ATP2C1: variants seen among roughly 807,000 people sequenced by gnomAD.
The protein encoded by ATP2C1 is calcium-transporting ATPase type 2C member 1.
In ATP2C1, 31 loss-of-function variants were observed where a neutral mutation model predicts 120.5. That is an observed-to-expected ratio of 0.26 (90% CI 0.19 to 0.35). The LOEUF is 0.35. Ranked by LOEUF, ATP2C1 falls within the 10% of genes least tolerant of loss-of-function variation. The probability of loss-of-function intolerance (pLI) is 1.00; values close to 1 mark genes in which losing one functional copy is unlikely to be tolerated. For missense variants in ATP2C1, 731 were observed against 1,107.5 expected, an observed-to-expected ratio of 0.66 and a Z score of 4.83; for synonymous variants, 351 against 358.7, an observed-to-expected ratio of 0.98 and a Z score of 0.24.
intron 2 of ATP2C1, among the ~76,000 whole-genome samples, chr3:130,905,169 G>T (rs1055618985): frequency 2.0e-5 from 3 of 151,988 alleles, no homozygotes; most frequent in Non-Finnish European, 2.9e-5. Flanking sequence ...TGCCAGGTGT[G>T]CTCCATGCTA....
At chr3:130,904,551 A>G (rs2058037291) in intron 2 of ATP2C1, among the ~76,000 whole-genome samples, 1 of 152,012 alleles carries the variant, frequency 6.6e-6, no homozygotes, top group Admixed American at 6.6e-5. Flanking sequence ...TTTCCTTTGT[A>G]ATAATAAATG....
In ATP2C1 at chr3:130,870,052, A is replaced by C. The variant is rs370478698; in HGVS notation, c.108+19124A>C. On this transcript the variant is annotated intron_variant, in intron 1 of 26. Transcript: ENST00000504381. ...TCATTCTGAAAATTCTAGGTCCCTA[A>C]AGAATGATGCTAAATCTACTTTGCT... 2.0e-5 allele frequency among the ~76,000 whole-genome samples: 3 copies of C among 152,230 alleles called. No individual in the cohort carries two copies. In the South Asian group the frequency reaches 6.2e-4, roughly 31 times the overall value.
chr3:130,918,479 A>C, intron 2 of ATP2C1: 1 of 807,816 alleles, frequency 1.2e-6, no homozygotes, highest in Non-Finnish European at 2.2e-6. Flanking sequence ...GAGCAAATTT[A>C]GAAGTCTTTG....
chr3:130,994,426 T>C lies in ATP2C1; in HGVS notation c.2057+328T>C, dbSNP rs2062504233. Among the ~76,000 whole-genome samples the C allele has an allele frequency of 2.6e-5, 4 of 152,286 alleles. No homozygotes were observed. In the South Asian group the frequency reaches 8.3e-4, roughly 32 times the overall value. Reference sequence around the variant, plus strand: ...AGTTAGAAATATGCATATGTATGGCTCTTTTTTTGGCTTTATAATAAATAT... The same window carrying C: ...AGTTAGAAATATGCATATGTATGGCCCTTTTTTTGGCTTTATAATAAATAT... On this transcript the variant is annotated intron_variant, in intron 22 of 27. Coordinates refer to ENST00000510168, the MANE Select transcript of ATP2C1 (RefSeq NM_001378687.1).
At chr3:130,960,752 A>G (rs1361368201) in intron 12 of ATP2C1, among the ~76,000 whole-genome samples, 1 of 152,184 alleles carries the variant, frequency 6.6e-6, no homozygotes. Context: ...AAATCTGTAA[A>G]TTGGGCCTAG....
At chr3:131,003,682 T>G (rs2062993754), downstream of ATP2C1, among the ~76,000 whole-genome samples, 1 of 152,160 alleles carries the variant, frequency 6.6e-6, no homozygotes, top group Non-Finnish European at 1.5e-5. Context: ...GATACAGGCT[T>G]TATTTATATA....
intron 18 of ATP2C1, 111 bp downstream of exon 18, chr3:130,975,599 A>G (rs1465294152): frequency 3.9e-6 from 5 of 1,275,194 alleles, no homozygotes; most frequent in Non-Finnish European, 5.6e-6. Context: ...CAGGATTTGT[A>G]GAACCCTTGC....
intron 1 of ATP2C1, among the ~76,000 whole-genome samples, chr3:130,874,273 T>C (rs1428719769): frequency 6.6e-6 from 1 of 152,184 alleles, no homozygotes; most frequent in African/African-American, 2.4e-5. Context: ...TAAGGAAAAC[T>C]TGTCAATGGA....
At chr3:130,937,207 G>C (rs2059711575) in intron 5 of ATP2C1, among the ~76,000 whole-genome samples, 1 of 152,136 alleles carries the variant, frequency 6.6e-6, no homozygotes, top group African/African-American at 2.4e-5. Context: ...AGGGCCCTGA[G>C]ATCAAAAAGT....
chr3:130,941,266 CTGTGTGT>C (rs2059903363), intron 7 of ATP2C1, among the ~76,000 whole-genome samples: 29 of 79,892 alleles, frequency 3.6e-4, no homozygotes, highest in African/African-American at 1.4e-3. Flanking sequence ...GTGTGTGTGT[CTGTGTGT>C]GTGCGCGCAC....
chr3:130,981,204 C>G (rs1032068306), intron 20 of ATP2C1, among the ~76,000 whole-genome samples: 1 of 152,124 alleles, frequency 6.6e-6, no homozygotes, highest in Admixed American at 6.6e-5. Context: ...GGTACCTTCT[C>G]CCCCTACTTC....
At chr3:130,909,461 T>TG (rs1371425002) in intron 2 of ATP2C1, among the ~76,000 whole-genome samples, 3 of 152,220 alleles carry the variant, frequency 2.0e-5, no homozygotes, top group Non-Finnish European at 4.4e-5. Flanking sequence ...GGTCAGGTAC[T>TG]GCCCTTCATA....
intron 1 of ATP2C1, among the ~76,000 whole-genome samples, chr3:130,873,739 ATACTT>A (rs897979045): frequency 1.3e-5 from 2 of 152,250 alleles, no homozygotes; most frequent in Non-Finnish European, 1.5e-5. Flanking sequence ...AGACTATAGT[ATACTT>A]TAAGTAAGTG....
At chr3:130,954,984 A>C in intron 9 of ATP2C1, 28 bp from the exon 10 acceptor site, 1 of 1,541,152 alleles carries the variant, frequency 6.5e-7, no homozygotes, top group East Asian at 2.3e-5. Flanking sequence ...ATCTGGATGT[A>C]AATGTATTTT....
chr3:130,900,915 TGTTTGGCC>T, intron 2 of ATP2C1, among the ~76,000 whole-genome samples: 1 of 152,304 alleles, frequency 6.6e-6, no homozygotes, highest in South Asian at 2.1e-4. Context: ...CACTAGATTT[TGTTTGGCC>T]ATCTATTTTT....
At chr3:130,974,129 G>A (rs1018335419) in intron 17 of ATP2C1, among the ~76,000 whole-genome samples, 2 of 152,136 alleles carry the variant, frequency 1.3e-5, no homozygotes, top group East Asian at 1.9e-4. Context: ...CATGAGAAGG[G>A]TTTTATATTA....
intron 1 of ATP2C1, among the ~76,000 whole-genome samples, chr3:130,889,081 C>T (rs1019277671): frequency 6.6e-6 from 1 of 152,208 alleles, no homozygotes; most frequent in Non-Finnish European, 1.5e-5. Flanking sequence ...AGCGGCTCAG[C>T]ACTCAAGGGA....
intron 26 of ATP2C1, chr3:131,014,148 T>A: frequency 6.2e-7 from 1 of 1,613,894 alleles, no homozygotes. Flanking sequence ...ACACTTGGTG[T>A]GTGCAGTGGT....
chr3:130,903,727 C>CT (rs1216553316), intron 2 of ATP2C1, among the ~76,000 whole-genome samples: 3 of 146,822 alleles, frequency 2.0e-5, no homozygotes, highest in Non-Finnish European at 4.5e-5. Context: ...CTTTCCTTTC[C>CT]TTTCCTTTCC....
Sources: gnomAD v4.1 joint callset for allele counts (sites outside exome capture counted in the v4.1 genomes callset) on GRCh38, gnomAD v4.1.1 for gene constraint, MANE v1.5 for transcripts, NCBI Gene and HGNC (gene_info 2026-07-23, HGNC 2026-07-21) for gene names.